TGFB1: variants seen among roughly 807,000 people sequenced by gnomAD.
TGFB1 encodes the protein transforming growth factor beta-1 proprotein.
In TGFB1, 19 loss-of-function variants were observed where a neutral mutation model predicts 43.8. The observed-to-expected ratio is 0.43, with a 90% confidence interval of 0.30 to 0.64. The LOEUF is 0.64. Ranked by LOEUF, TGFB1 falls within the 30% of genes least tolerant of loss-of-function variation. TGFB1 has a pLI of 0.11. For synonymous variants in TGFB1, 221 were observed against 236.3 expected, an observed-to-expected ratio of 0.94 and a Z score of 0.60; for missense variants, 445 against 529.8, an observed-to-expected ratio of 0.84 and a Z score of 1.57.
At chr19:41,336,136 C>T (rs1258431488) in intron 5 of TGFB1, among the ~76,000 whole-genome samples, 1 of 151,260 alleles carries the variant, frequency 6.6e-6, no homozygotes, top group Admixed American at 6.6e-5. Context: ...GCTGGGATTA[C>T]AGGCACACAC....
At position 41,348,314 on chromosome 19, in the gene TGFB1, T is replaced by G; in HGVS notation, c.497A>C (p.Gln166Pro). The G allele has an allele frequency of 6.2e-7, 1 of 1,613,276 alleles. No homozygotes were observed. The highest frequency in any genetic ancestry group is 8.5e-7 in the Non-Finnish European group (1 of 1,179,726). ...CCTCACCTGGTACAGCTCCACGTGC[T>G]GCTCCACTTTTAACTTGAGCCTCAG... ...RLLRLKLKVEQHVELYQKYSN... is the reference protein window; with the variant it reads ...RLLRLKLKVEPHVELYQKYSN... The change falls in exon 2 of 7, where the codon CAG becomes CCG. Residue 166 changes from glutamine to proline, a missense_variant. Coordinates refer to ENST00000221930, the MANE Select transcript of TGFB1 (RefSeq NM_000660.7).
At chr19:41,350,687 C>A (rs779012852) in intron 1 of TGFB1, among the ~76,000 whole-genome samples, 16 of 152,334 alleles carry the variant, frequency 1.1e-4, no homozygotes, top group East Asian at 9.6e-4. Context: ...ACTGGGGCAA[C>A]TGCTTCCAGC....
rs1326886424 is a variant in TGFB1 at position 41,353,087 on chromosome 19, G to A, written c.-43C>T. On this transcript the variant is annotated 5_prime_UTR_variant, in exon 1 of 7. Coordinates refer to ENST00000221930, the MANE Select transcript of TGFB1 (RefSeq NM_000660.7). The surrounding 1 kb of genome is among the most constrained non-coding windows in gnomAD (Gnocchi z 5.9). ...CCGGCACTGCCGAGAGCGCGAACAG[G>A]GCTGGTGTGGTGGGGAGGCCCCGCC... 1 of 1,475,902 alleles carries A rather than the reference G, an allele frequency of 6.8e-7. No homozygotes were observed. Among genetic ancestry groups the A allele is most frequent in the South Asian group, 1.3e-5 (1 of 74,848 alleles). The allele number at this position is 1,475,902 out of a possible 1,614,324, so 91.4% of individuals were successfully genotyped here. A position where few individuals can be genotyped will look rare whatever the true frequency, so the allele number is the denominator to read the frequency against.
chr19:41,332,994 A>G (rs1194903907), intron 5 of TGFB1, among the ~76,000 whole-genome samples: 1 of 152,056 alleles, frequency 6.6e-6, no homozygotes, highest in African/African-American at 2.4e-5. Context: ...CAAATGCCCA[A>G]GTCCTCACCG....
intron 3 of TGFB1, 41 bp downstream of exon 3, chr19:41,344,706 C>T (rs1377484628): frequency 6.3e-7 from 1 of 1,587,570 alleles, no homozygotes; most frequent in African/African-American, 1.3e-5. Flanking sequence ...TGGGGTGGAC[C>T]CCAGGGAGAA....
chr19:41,347,721 G>C (rs563113777), intron 2 of TGFB1, among the ~76,000 whole-genome samples: 1 of 151,508 alleles, frequency 6.6e-6, no homozygotes, highest in Non-Finnish European at 1.5e-5. Context: ...CCAGCTACTC[G>C]GGTGGCTGAG....
rs1476263428 is a variant in TGFB1, at chr19:41,332,192, TA to T, written c.949del (p.Tyr317ThrfsTer66). The T allele has an allele frequency of 6.2e-7, 1 of 1,614,148 alleles. No homozygotes were observed. On this transcript the variant is annotated frameshift_variant, in exon 6 of 7. Coordinates refer to ENST00000221930, the MANE Select transcript of TGFB1 (RefSeq NM_000660.7). LOFTEE classifies it high-confidence loss of function. Reference sequence around the variant, plus strand: ...GGGCCCGAGGCAGAAGTTGGCATGGTAGCCCTTGGGCTCGTGGATCCACTTC... The same window carrying T: ...GGGCCCGAGGCAGAAGTTGGCATGGTGCCCTTGGGCTCGTGGATCCACTTC... ...GWKWIHEPKGYHANFCLGPCP... is the reference protein window; with the variant it reads ...GWKWIHEPKGXHANFCLGPCP...
intron 1 of TGFB1, among the ~76,000 whole-genome samples, chr19:41,351,523 G>A (rs2038194176): frequency 6.6e-6 from 1 of 152,190 alleles, no homozygotes; most frequent in Non-Finnish European, 1.5e-5. Flanking sequence ...GGGAAGGAAA[G>A]GGAAGGGAGG....
chr19:41,338,656 C>T (rs563751659), intron 5 of TGFB1, among the ~76,000 whole-genome samples: 97 of 151,580 alleles, frequency 6.4e-4, no homozygotes, highest in Middle Eastern at 3.4e-3. Context: ...CTGGGCAATA[C>T]GGTGAAACCC....
intron 2 of TGFB1, among the ~76,000 whole-genome samples, chr19:41,348,056 C>A (rs1000336219): frequency 2.0e-5 from 3 of 151,674 alleles, no homozygotes; most frequent in South Asian, 2.1e-4. Flanking sequence ...CACTGGAACC[C>A]AGGAGGCGGA....
At chr19:41,349,511 C>T (rs1455768273) in intron 1 of TGFB1, among the ~76,000 whole-genome samples, 1 of 152,196 alleles carries the variant, frequency 6.6e-6, no homozygotes, top group Admixed American at 6.5e-5. Flanking sequence ...AATCCCAGCA[C>T]TTTGGGAGGC....
At chr19:41,337,429 C>T (rs541602931) in intron 5 of TGFB1, among the ~76,000 whole-genome samples, 6 of 152,052 alleles carry the variant, frequency 3.9e-5, no homozygotes, top group Non-Finnish European at 8.8e-5. Context: ...GTGTGAGCCA[C>T]GACAGCTGGC....
intron 6 of TGFB1, 122 bp from the exon 7 acceptor site, chr19:41,331,332 C>G: frequency 8.6e-7 from 1 of 1,160,892 alleles, no homozygotes; most frequent in Non-Finnish European, 1.2e-6. Context: ...CCCGCATCCC[C>G]TCTTCCCATC....
At position 41,353,021 on chromosome 19, in the gene TGFB1, C is replaced by A. The variant is rs949185681; in HGVS notation, c.24G>T (p.Leu8=). The change falls in exon 1 of 7, where the codon CTG becomes CTT. Residue 8 remains leucine (L), a synonymous_variant. Transcript: ENST00000221930. The surrounding 1 kb of genome is among the most constrained non-coding windows in gnomAD (Gnocchi z 5.9). MPPSGLR[L]LPLLLPLLWL... ...ACAGCAGCGGTAGCAGCAGCGGCAG[C>A]AGCCGCAGCCCGGAGGGCGGCATGG... 3 of 1,531,310 alleles carry A rather than the reference C, an allele frequency of 2.0e-6. No homozygotes were observed. Among genetic ancestry groups the A allele is most frequent in the Non-Finnish European group, 2.6e-6 (3 of 1,143,092 alleles). 94.9% of individuals were successfully genotyped at this position (1,531,310 alleles called of 1,614,324 possible). A position where few individuals can be genotyped will look rare whatever the true frequency, so the allele number is the denominator to read the frequency against.
chr19:41,341,275 G>C (rs2038051532), intron 5 of TGFB1, among the ~76,000 whole-genome samples: 1 of 151,040 alleles, frequency 6.6e-6, no homozygotes, highest in African/African-American at 2.4e-5. Flanking sequence ...GACCATCCTG[G>C]CTAACACAGT....
chr19:41,348,262 T>C, intron 2 of TGFB1, 33 bp downstream of exon 2: 2 of 1,609,370 alleles, frequency 1.2e-6, no homozygotes, highest in Non-Finnish European at 1.7e-6. Flanking sequence ...CTCCAGCCCA[T>C]GCCCTGACCT....
At chr19:41,334,694 C>T (rs779765529) in intron 5 of TGFB1, among the ~76,000 whole-genome samples, 26 of 151,816 alleles carry the variant, frequency 1.7e-4, no homozygotes, top group Non-Finnish European at 1.8e-4. Context: ...AGGAGAATCG[C>T]TTGAACCCAA....
Position 41,353,905 on chromosome 19 carries a change from G to A in TGFB1, c.-861C>T. 4.6e-6 allele frequency: 1 copy of A among 215,182 alleles called. No homozygotes were observed. The highest frequency in any genetic ancestry group is 9.2e-6 in the Non-Finnish European group (1 of 109,114). The allele number at this position is 215,182 out of a possible 1,614,324, so 13.3% of individuals were successfully genotyped here. A position where few individuals can be genotyped will look rare whatever the true frequency, so the allele number is the denominator to read the frequency against. ...AGGTGGGAGGGAGATGGCCCAGGGC[G>A]CGAAGGGCGGCGGCGGCGGGGACCG... On this transcript the variant is annotated 5_prime_UTR_variant, in exon 1 of 7. Coordinates refer to ENST00000221930, the MANE Select transcript of TGFB1 (RefSeq NM_000660.7). The surrounding 1 kb of genome is among the most constrained non-coding windows in gnomAD (Gnocchi z 5.9).
At chr19:41,347,661 C>T (rs993088414) in intron 2 of TGFB1, among the ~76,000 whole-genome samples, 1 of 151,876 alleles carries the variant, frequency 6.6e-6, no homozygotes, top group African/African-American at 2.4e-5. Flanking sequence ...AACTCTGTCT[C>T]TACTAAAAAT....
Sources: allele counts gnomAD v4.1 joint callset (sites outside exome capture counted in the v4.1 genomes callset), GRCh38; gene constraint gnomAD v4.1.1; non-coding constraint Gnocchi (gnomAD v3.1); transcripts MANE v1.5; gene names NCBI Gene and HGNC (gene_info 2026-07-23, HGNC 2026-07-21).